CHST3: variants seen among roughly 807,000 people sequenced by gnomAD.
The protein encoded by CHST3 is carbohydrate sulfotransferase 3.
Under a neutral mutation model 35.4 loss-of-function variants are expected in CHST3, and 20 were observed. That is an observed-to-expected ratio of 0.57 (90% CI 0.40 to 0.82). The LOEUF is 0.82. Ranked by LOEUF, CHST3 falls within the 40% of genes least tolerant of loss-of-function variation. The pLI, the probability that CHST3 is intolerant of heterozygous loss-of-function variation, is 0.00. For synonymous variants in CHST3, 334 were observed against 295.9 expected (o/e 1.13, Z -1.32); for missense variants, 693 against 670.1 (o/e 1.03, Z -0.38).
chr10:72,008,166 C>T lies in CHST3; in HGVS notation c.1135C>T (p.Leu379=), dbSNP rs564028722. The T allele has an allele frequency of 2.5e-4, 390 of 1,548,836 alleles. No individual in the cohort carries two copies. The Middle Eastern group carries it at 4.7e-3, about 19-fold the overall frequency. ...CTACGAGGACGTGGCACGCGGGCCG[C>T]TGCAGAAGGCCCGCGAGATGTACCG... ...VRYEDVARGP[L]QKAREMYRFA... is the part of the protein sequence containing the mutation. Residue 379 remains leucine, a synonymous_variant, in exon 3 of 3, where the codon CTG becomes TTG. Coordinates refer to ENST00000373115, the MANE Select transcript of CHST3 (RefSeq NM_004273.5).
At chr10:71,974,694 C>T (rs373595220) in intron 1 of CHST3, among the ~76,000 whole-genome samples, 6 of 152,134 alleles carry the variant, frequency 3.9e-5, no homozygotes, top group African/African-American at 4.8e-5. Context: ...CACTGTCTGC[C>T]GCCCACCTGC....
intron 1 of CHST3, among the ~76,000 whole-genome samples, chr10:71,994,823 A>G (rs1195278217): frequency 6.6e-6 from 1 of 152,176 alleles, no homozygotes; most frequent in African/African-American, 2.4e-5. Context: ...CTTGCTGCCA[A>G]TTCTCCATCA....
At chr10:71,985,993 T>C (rs963955927) in intron 1 of CHST3, among the ~76,000 whole-genome samples, 1 of 152,264 alleles carries the variant, frequency 6.6e-6, no homozygotes, top group African/African-American at 2.4e-5. Context: ...CTTTTGTGAT[T>C]GGCTGTTTTC....
chr10:71,980,420 A>G (rs1839789057), intron 1 of CHST3, among the ~76,000 whole-genome samples: 2 of 152,014 alleles, frequency 1.3e-5, no homozygotes, highest in Non-Finnish European at 2.9e-5. Context: ...AGGCATTCTG[A>G]TATTTTCTAA....
intron 2 of CHST3, among the ~76,000 whole-genome samples, chr10:72,006,486 G>T (rs1564531632): frequency 6.6e-6 from 1 of 152,168 alleles, no homozygotes; most frequent in Admixed American, 6.5e-5. Context: ...CAAGGTCCTA[G>T]TATGGATACT....
intron 1 of CHST3, among the ~76,000 whole-genome samples, chr10:71,988,841 A>G (rs1014972668): frequency 6.6e-6 from 1 of 151,808 alleles, no homozygotes; most frequent in East Asian, 1.9e-4. Flanking sequence ...CCAATTACCA[A>G]CCTATTAGCT....
intron 1 of CHST3, among the ~76,000 whole-genome samples, chr10:71,981,137 G>C (rs747932243): frequency 6.6e-6 from 1 of 152,254 alleles, no homozygotes; most frequent in Non-Finnish European, 1.5e-5. Context: ...CATGGGGAAG[G>C]CTGTCCCCGC....
rs1046809378 is a variant in CHST3, at chr10:71,964,526, C to T, written c.-276C>T. 6.6e-6 allele frequency: 1 copy of T among 151,946 alleles called. No individual in the cohort carries two copies. Among genetic ancestry groups the T allele is most frequent in the Admixed American group, 6.5e-5 (1 of 15,268 alleles). 9.4% of individuals were successfully genotyped at this position (151,946 alleles called of 1,614,324 possible). On this transcript the variant is annotated 5_prime_UTR_variant, in exon 1 of 3. Coordinates refer to ENST00000373115, the MANE Select transcript of CHST3 (RefSeq NM_004273.5). The stretch of plus-strand genomic sequence containing the variant: ...CCGGCCCCGCAGCGCCTCCATCCCT[C>T]CGGCCCGCCCCGGAGAAGACGCACA...
At chr10:71,983,358 C>T (rs557033905) in intron 1 of CHST3, among the ~76,000 whole-genome samples, 6 of 150,400 alleles carry the variant, frequency 4.0e-5, no homozygotes, top group South Asian at 2.2e-4. Context: ...TTATCTGGGA[C>T]GGCCAGTGAG....
chr10:71,976,727 G>A (rs1014004732), intron 1 of CHST3, among the ~76,000 whole-genome samples: 5 of 152,190 alleles, frequency 3.3e-5, no homozygotes, highest in Non-Finnish European at 7.3e-5. Flanking sequence ...TCCTTTCTGT[G>A]ATAGGATTTG....
intron 1 of CHST3, among the ~76,000 whole-genome samples, chr10:71,977,643 TG>T (rs897979953): frequency 6.8e-6 from 1 of 147,858 alleles, no homozygotes; most frequent in African/African-American, 2.4e-5. Context: ...GGTCTTTCTA[TG>T]TTGCCCAGGC....
chr10:71,990,688 A>G (rs1334210575), intron 1 of CHST3, among the ~76,000 whole-genome samples: 1 of 152,162 alleles, frequency 6.6e-6, no homozygotes, highest in Non-Finnish European at 1.5e-5. Context: ...AATCCCATTC[A>G]TGAGGGCTCC....
Position 72,007,338 on chromosome 10 carries a change from G to C in CHST3, c.307G>C (p.Val103Leu). 2 of 1,610,000 alleles carry C rather than the reference G, an allele frequency of 1.2e-6. No individual in the cohort carries two copies. Among genetic ancestry groups the C allele is most frequent in the Non-Finnish European group, 1.7e-6 (2 of 1,178,270 alleles). The change falls in exon 3 of 3, where the codon GTG becomes CTG. Residue 103 changes from valine (V) to leucine (L), a missense_variant. Val to Leu is a conservative substitution (Grantham distance 32). Coordinates refer to ENST00000373115, the MANE Select transcript of CHST3 (RefSeq NM_004273.5). ...RLRNLSLQLG[V>L]EPAMEAAGEE... ...CCGCAACCTCAGCTTGCAGCTGGGC[G>C]TGGAGCCAGCCATGGAGGCCGCAGG...
rs557575337 is a variant in CHST3, at chr10:72,012,984, T to C, written c.*4513T>C. Reference sequence around the variant, plus strand: ...GACTGGGGACAAATTTGTTACGTGTTTCCAAGGCTACAGACATGGCGCCAT... The same window carrying C: ...GACTGGGGACAAATTTGTTACGTGTCTCCAAGGCTACAGACATGGCGCCAT... On this transcript the variant is annotated 3_prime_UTR_variant, in exon 3 of 3. Transcript: ENST00000373115. The C allele has an allele frequency of 6.6e-6, 1 of 152,326 alleles. No individual in the cohort carries two copies. The highest frequency in any genetic ancestry group is 1.5e-5 in the Non-Finnish European group (1 of 68,022). 9.4% of individuals were successfully genotyped at this position (152,326 alleles called of 1,614,324 possible).
chr10:72,006,283 C>T (rs1840038511), intron 2 of CHST3, among the ~76,000 whole-genome samples: 1 of 152,216 alleles, frequency 6.6e-6, no homozygotes, highest in South Asian at 2.1e-4. Context: ...TTTTGTAAAA[C>T]ATGGCTAATA....
At chr10:72,007,043 C>T (rs1329038342) in intron 2 of CHST3, 129 bp from the exon 3 acceptor site, 3 of 1,007,328 alleles carry the variant, frequency 3.0e-6, no homozygotes, top group Admixed American at 4.0e-5. Context: ...AAATCCTTGC[C>T]TCAACGTCTG....
chr10:71,975,130 G>A (rs933050207), intron 1 of CHST3, among the ~76,000 whole-genome samples: 25 of 152,220 alleles, frequency 1.6e-4, no homozygotes, highest in African/African-American at 5.8e-4. Flanking sequence ...TGACCTAGAG[G>A]AGATTCAGAC....
chr10:72,001,603 A>C (rs912484702), intron 1 of CHST3, among the ~76,000 whole-genome samples: 1 of 150,884 alleles, frequency 6.6e-6, no homozygotes, highest in Non-Finnish European at 1.5e-5. Flanking sequence ...CCTCCCAAAT[A>C]GCTGGGATTA....
intron 1 of CHST3, among the ~76,000 whole-genome samples, chr10:71,996,275 T>C (rs1304091266): frequency 6.6e-6 from 1 of 152,216 alleles, no homozygotes. Context: ...AGGTTTAAAT[T>C]CCTTGCCTAA....
Sources: allele counts gnomAD v4.1 joint callset (sites outside exome capture counted in the v4.1 genomes callset), GRCh38; gene constraint gnomAD v4.1.1; transcripts MANE v1.5; gene names NCBI Gene and HGNC (gene_info 2026-07-23, HGNC 2026-07-21).